CLRN1: variants seen among roughly 807,000 people sequenced by gnomAD.
CLRN1 encodes the protein clarin-1.
CLRN1 carries 15 observed loss-of-function variants against 18.7 expected under a neutral mutation model. The ratio of observed to expected loss-of-function variants is 0.80; its 90% CI spans 0.54 to 1.23. The LOEUF (loss-of-function observed/expected upper bound fraction) is 1.23, where lower values mean the gene tolerates loss of function less well. Among genes scored for constraint, CLRN1 ranks in the 50% most tolerant of loss-of-function variants. The pLI is 0.00. For synonymous variants in CLRN1, 104 were observed against 102.9 expected, an observed-to-expected ratio of 1.01 and a Z score of -0.07; for missense variants, 311 against 277.5, an observed-to-expected ratio of 1.12 and a Z score of -0.86.
At chr3:150,947,805 G>T (rs774955503) in intron 1 of CLRN1, among the ~76,000 whole-genome samples, 13 of 152,140 alleles carry the variant, frequency 8.5e-5, no homozygotes, top group Admixed American at 3.3e-4. Flanking sequence ...AATGACTTTG[G>T]ATAAATAATT....
At chr3:150,967,186 G>A (rs1034214208) in intron 1 of CLRN1, among the ~76,000 whole-genome samples, 1 of 152,142 alleles carries the variant, frequency 6.6e-6, no homozygotes, top group Non-Finnish European at 1.5e-5. Context: ...ATAATACACA[G>A]CTCCTGCCTT....
chr3:150,956,290 G>C (rs1421388350), intron 1 of CLRN1, among the ~76,000 whole-genome samples: 3 of 152,142 alleles, frequency 2.0e-5, no homozygotes, highest in Non-Finnish European at 4.4e-5. Context: ...TTGTGGTATA[G>C]ATACAAGGTA....
chr3:150,935,772 G>T (rs1263174608), intron 2 of CLRN1, among the ~76,000 whole-genome samples: 4 of 149,044 alleles, frequency 2.7e-5, no homozygotes, highest in Non-Finnish European at 6.0e-5. Flanking sequence ...CAGTGTAAAA[G>T]TGTTCCTATT....
intron 1 of CLRN1, among the ~76,000 whole-genome samples, chr3:150,954,511 T>C (rs1177354221): frequency 6.6e-6 from 1 of 152,244 alleles, no homozygotes; most frequent in Non-Finnish European, 1.5e-5. Flanking sequence ...GCATGCTGGA[T>C]ACAAACCCTT....
At chr3:150,963,049 G>A (rs1182989636) in intron 1 of CLRN1, among the ~76,000 whole-genome samples, 2 of 152,158 alleles carry the variant, frequency 1.3e-5, no homozygotes, top group African/African-American at 4.8e-5. Context: ...ACACAGTATT[G>A]GAAGTTCTGG....
rs1196979915 is a variant in CLRN1 at position 150,969,313 on chromosome 3, A to ATTT, written c.253+3140_253+3142dup. 1.1e-3 allele frequency among the ~76,000 whole-genome samples: 49 copies of ATTT among 43,552 alleles called. 7 individuals are homozygous for ATTT. Among genetic ancestry groups the ATTT allele is most frequent in the Non-Finnish European group, 1.6e-3 (41 of 26,038 alleles). The allele number at this position is 43,552 out of a possible 152,430, so 28.6% of individuals were successfully genotyped here. On this transcript the variant is annotated intron_variant, in intron 1 of 2. Coordinates refer to ENST00000327047, the MANE Select transcript of CLRN1 (RefSeq NM_174878.3). ...TTGTAATATATATATATATATATATATTTTTTTTTTTTTTTTTTTTTTTTT... is the reference window on the plus strand; with the variant it reads ...TTGTAATATATATATATATATATATATTTTTTTTTTTTTTTTTTTTTTTTTTTT...
chr3:150,962,151 A>G (rs1024225622), intron 1 of CLRN1, among the ~76,000 whole-genome samples: 3 of 152,208 alleles, frequency 2.0e-5, no homozygotes, highest in Admixed American at 6.5e-5. Flanking sequence ...CTCCTAATCC[A>G]CAGGGGTATG....
intron 1 of CLRN1, among the ~76,000 whole-genome samples, chr3:150,968,786 C>T (rs1045430540): frequency 1.3e-5 from 2 of 152,180 alleles, no homozygotes; most frequent in Non-Finnish European, 2.9e-5. Context: ...AAATCCCCAT[C>T]TAAATCTGTA....
downstream of CLRN1, chr3:150,926,239 G>C (rs1712786135): frequency 6.2e-6 from 1 of 160,388 alleles, no homozygotes; most frequent in Non-Finnish European, 1.4e-5. Context: ...CTACGGAACA[G>C]AGAACGATTG....
chr3:150,960,489 CT>C (rs544592600), intron 1 of CLRN1, among the ~76,000 whole-genome samples: 4 of 151,766 alleles, frequency 2.6e-5, no homozygotes, highest in Admixed American at 1.3e-4. Context: ...CAGTCTTTTA[CT>C]TTTTTTTTCC....
intron 1 of CLRN1, 47 bp downstream of exon 1, chr3:150,972,409 A>G (rs1033426872): frequency 9.9e-6 from 16 of 1,613,612 alleles, no homozygotes; most frequent in Admixed American, 8.3e-5. Context: ...AACACTGGGA[A>G]GAGTCTGCCT....
At position 150,941,520 on chromosome 3, in the gene CLRN1, A is replaced by G. The variant is rs1713838529; in HGVS notation, c.433+62T>C. ...TAAGATTATAACTTTATATTTAGGT[A>G]GACGGTCTTTTTGACATATTGAAAA... On this transcript the variant is annotated intron_variant, in intron 2 of 2. Coordinates refer to ENST00000327047, the MANE Select transcript of CLRN1 (RefSeq NM_174878.3). The G allele has an allele frequency of 3.4e-6, 5 of 1,488,470 alleles. No individual in the cohort carries two copies. The Admixed American group carries it at 6.8e-5, about 20-fold the overall frequency. The allele number at this position is 1,488,470 out of a possible 1,614,324, so 92.2% of individuals were successfully genotyped here. A position where few individuals can be genotyped will look rare whatever the true frequency, so the allele number is the denominator to read the frequency against.
chr3:150,936,497 T>A (rs140714379), intron 2 of CLRN1, among the ~76,000 whole-genome samples: 1 of 152,268 alleles, frequency 6.6e-6, no homozygotes, highest in East Asian at 1.9e-4. Context: ...TCCCTTGTCT[T>A]ACCCAGAATG....
At chr3:150,936,662 T>C (rs1713506603) in intron 2 of CLRN1, among the ~76,000 whole-genome samples, 1 of 152,230 alleles carries the variant, frequency 6.6e-6, no homozygotes, top group South Asian at 2.1e-4. Context: ...CTATCAGATA[T>C]CTTTTTAAAA....
At chr3:150,960,958 G>T (rs1714996732) in intron 1 of CLRN1, among the ~76,000 whole-genome samples, 1 of 152,248 alleles carries the variant, frequency 6.6e-6, no homozygotes, top group African/African-American at 2.4e-5. Context: ...TAACTGGTGG[G>T]CAGATTTGGA....
downstream of CLRN1, chr3:150,926,405 C>A (rs6764182): frequency 1.3e-5 from 4 of 310,894 alleles, no homozygotes; most frequent in African/African-American, 8.7e-5. Context: ...TCCTCCTAGC[C>A]CACTCATTTC....
rs1559975671 is a variant in CLRN1, at chr3:150,927,191, G to GT, written c.*744dup. 6 of 565,036 alleles carry GT rather than the reference G, an allele frequency of 1.1e-5. No individual in the cohort carries two copies. The highest frequency in any genetic ancestry group is 1.7e-5 in the Non-Finnish European group (5 of 300,642). The allele number at this position is 565,036 out of a possible 1,614,324, so 35.0% of individuals were successfully genotyped here. On this transcript the variant is annotated 3_prime_UTR_variant, in exon 3 of 3. Coordinates refer to ENST00000327047, the MANE Select transcript of CLRN1 (RefSeq NM_174878.3). Reference sequence around the variant, plus strand: ...CGGGAGGAAAAATACCCTAAGCTTGGTTTTTTCTTCTTTTCTTCTTTTAGA... The same window carrying GT: ...CGGGAGGAAAAATACCCTAAGCTTGGTTTTTTTCTTCTTTTCTTCTTTTAGA...
intron 1 of CLRN1, among the ~76,000 whole-genome samples, chr3:150,966,869 T>C (rs552685578): frequency 6.6e-6 from 1 of 152,174 alleles, no homozygotes; most frequent in African/African-American, 2.4e-5. Flanking sequence ...ATTAGAAGGG[T>C]TATGCAACTG....
At chr3:150,947,832 C>A (rs1245363369) in intron 1 of CLRN1, among the ~76,000 whole-genome samples, 2 of 152,120 alleles carry the variant, frequency 1.3e-5, no homozygotes, top group East Asian at 1.9e-4. Flanking sequence ...AGACAGAAAT[C>A]AAGAAGTTTT....
Sources: gnomAD v4.1 joint callset for allele counts (sites outside exome capture counted in the v4.1 genomes callset) on GRCh38, gnomAD v4.1.1 for gene constraint, MANE v1.5 for transcripts, NCBI Gene and HGNC (gene_info 2026-07-23, HGNC 2026-07-21) for gene names.